The following FOXP2 variants were observed in gnomAD, a reference collection of about 807,000 sequenced individuals.
FOXP2 encodes forkhead box P2, also known as forkhead box protein P2.
FOXP2 carries 12 observed loss-of-function variants against 115.8 expected under a neutral mutation model. The ratio of observed to expected loss-of-function variants is 0.10; its 90% CI spans 0.07 to 0.17. FOXP2 has a LOEUF of 0.17. Among genes scored for constraint, FOXP2 ranks in the 10% least tolerant of loss-of-function variants. The probability of loss-of-function intolerance (pLI) is 1.00; values close to 1 mark genes in which losing one functional copy is unlikely to be tolerated. For missense variants in FOXP2, 629 were observed against 843.5 expected, an observed-to-expected ratio of 0.75 and a Z score of 3.15; for synonymous variants, 328 against 297.7, an observed-to-expected ratio of 1.10 and a Z score of -1.05.
intron 1 of FOXP2, among the ~76,000 whole-genome samples, chr7:114,186,571 G>A (rs989322008): frequency 1.3e-4 from 20 of 152,096 alleles, no homozygotes; most frequent in South Asian, 6.2e-4. Context: ...GAATCAGCCC[G>A]CATAACAGCC....
chr7:114,121,386 G>A (rs1217814679), intron 1 of FOXP2, among the ~76,000 whole-genome samples: 1 of 152,042 alleles, frequency 6.6e-6, no homozygotes, highest in South Asian at 2.1e-4. Context: ...CCAGTCTATG[G>A]TACTTTGTTA....
At chr7:114,097,702 A>G (rs1365557571) in intron 1 of FOXP2, among the ~76,000 whole-genome samples, 1 of 152,126 alleles carries the variant, frequency 6.6e-6, no homozygotes, top group Non-Finnish European at 1.5e-5. Flanking sequence ...TTTTGCTCTC[A>G]TACTGCCTTT....
intron 3 of FOXP2, among the ~76,000 whole-genome samples, chr7:114,558,903 T>C (rs191758170): frequency 3.2e-4 from 48 of 152,346 alleles, no homozygotes; most frequent in Admixed American, 1.3e-3. Context: ...GTTGGTGTTC[T>C]GTAGTGTCCC....
intron 3 of FOXP2, among the ~76,000 whole-genome samples, chr7:114,575,134 A>G (rs988001314): frequency 4.0e-5 from 6 of 151,856 alleles, no homozygotes; most frequent in African/African-American, 1.5e-4. Flanking sequence ...TGGGCTCTAC[A>G]ATCAGCTTTC....
At chr7:114,599,612 T>A (rs1490660727) in intron 3 of FOXP2, among the ~76,000 whole-genome samples, 6 of 152,114 alleles carry the variant, frequency 3.9e-5, no homozygotes, top group African/African-American at 7.2e-5. Flanking sequence ...AACTTTTTTT[T>A]ATAATGTTCT....
chr7:114,419,469 A>C (rs1793499565), intron 1 of FOXP2, among the ~76,000 whole-genome samples: 1 of 151,888 alleles, frequency 6.6e-6, no homozygotes, highest in Admixed American at 6.6e-5. Flanking sequence ...CACTTGTTTT[A>C]TACACACTTG....
intron 2 of FOXP2, among the ~76,000 whole-genome samples, chr7:114,509,745 G>A (rs962912152): frequency 6.6e-6 from 1 of 151,874 alleles, no homozygotes; most frequent in East Asian, 1.9e-4. Context: ...GAAACAAATG[G>A]CATGATCAAG....
intron 2 of FOXP2, among the ~76,000 whole-genome samples, chr7:114,391,554 T>C (rs1792601332): frequency 6.6e-6 from 1 of 152,186 alleles, no homozygotes; most frequent in Admixed American, 6.5e-5. Context: ...TTGCTCACTA[T>C]GGTGTCTGCA....
chr7:114,213,221 C>T (rs568154148), intron 1 of FOXP2, among the ~76,000 whole-genome samples: 1 of 152,240 alleles, frequency 6.6e-6, no homozygotes, highest in South Asian at 2.1e-4. Context: ...TTGCCTCATA[C>T]TAGGAGTGTT....
intron 1 of FOXP2, among the ~76,000 whole-genome samples, chr7:114,224,207 T>A (rs1478375694): frequency 6.6e-6 from 1 of 152,146 alleles, no homozygotes; most frequent in Non-Finnish European, 1.5e-5. Flanking sequence ...ACTGAAGATT[T>A]CATAAGACTT....
At chr7:114,141,104 C>T (rs1470950443) in intron 1 of FOXP2, among the ~76,000 whole-genome samples, 3 of 152,108 alleles carry the variant, frequency 2.0e-5, no homozygotes, top group African/African-American at 7.2e-5. Flanking sequence ...TTCTTCCTCA[C>T]TTAAGTTCTG....
At chr7:114,498,696 G>T (rs2040658) in intron 2 of FOXP2, among the ~76,000 whole-genome samples, 1 of 151,934 alleles carries the variant, frequency 6.6e-6, no homozygotes, top group East Asian at 1.9e-4. Flanking sequence ...CCAAAAGAAA[G>T]ATTTTAGTTA....
rs145592793 is a variant in FOXP2 at position 114,352,105 on chromosome 7, CA to C, written c.-11+64009del. Among the ~76,000 whole-genome samples, 741 of 137,072 alleles carry C rather than the reference CA, an allele frequency of 5.4e-3. 7 individuals are homozygous for C. Among genetic ancestry groups the C allele is most frequent in the African/African-American group, 0.012 (467 of 37,448 alleles). The allele number at this position is 137,072 out of a possible 152,430, so 89.9% of individuals were successfully genotyped here. ...CAACATGGCAAAATGCCATCTCTAA[CA>C]AAAAAAAAAAAATAGCTGAGTGTGG... On this transcript the variant is annotated intron_variant, in intron 2 of 17. Coordinates refer to the FOXP2 transcript ENST00000634411.
chr7:114,100,357 C>A (rs1177376853), intron 1 of FOXP2, among the ~76,000 whole-genome samples: 1 of 152,094 alleles, frequency 6.6e-6, no homozygotes, highest in Non-Finnish European at 1.5e-5. Flanking sequence ...GTGTCCAGAA[C>A]TAAATACCGT....
intron 1 of FOXP2, among the ~76,000 whole-genome samples, chr7:114,101,596 C>A (rs959266452): frequency 6.6e-5 from 10 of 151,992 alleles, no homozygotes; most frequent in African/African-American, 2.2e-4. Context: ...TGTTTAATAA[C>A]CTGCTCTAGA....
upstream of FOXP2, among the ~76,000 whole-genome samples, chr7:114,413,217 AT>A (rs1218164942): frequency 6.6e-6 from 1 of 152,166 alleles, no homozygotes; most frequent in African/African-American, 2.4e-5. Context: ...TGTATACATT[AT>A]TCACAGTTTC....
chr7:114,298,934 G>A (rs1203884336), intron 2 of FOXP2, among the ~76,000 whole-genome samples: 1 of 152,058 alleles, frequency 6.6e-6, no homozygotes, highest in Non-Finnish European at 1.5e-5. Flanking sequence ...GAAAATATTA[G>A]TAAGAACTCA....
In FOXP2 at chr7:114,093,274, G is replaced by C. The variant is rs1049163710; in HGVS notation, c.-247+5436G>C. On this transcript the variant is annotated intron_variant, in intron 1 of 19. Transcript: ENST00000635638. ...TCCTGTATCTTCACTAACTTCAGGAGGTCTCTGCTCAAACATATCCTTGTT... is the reference window on the plus strand; with the variant it reads ...TCCTGTATCTTCACTAACTTCAGGACGTCTCTGCTCAAACATATCCTTGTT... Among the ~76,000 whole-genome samples, 15 of 152,206 alleles carry C rather than the reference G, an allele frequency of 9.9e-5. No individual in the cohort carries two copies. The South Asian group carries it at 3.1e-3, about 32-fold the overall frequency.
chr7:114,592,424 T>G (rs572483208), intron 3 of FOXP2, among the ~76,000 whole-genome samples: 1 of 152,142 alleles, frequency 6.6e-6, no homozygotes, highest in South Asian at 2.1e-4. Flanking sequence ...TTTTTTTTAT[T>G]TAGGTAGACT....
Sources: gnomAD v4.1 joint callset for allele counts (sites outside exome capture counted in the v4.1 genomes callset) on GRCh38, gnomAD v4.1.1 for gene constraint, MANE v1.5 for transcripts, NCBI Gene and HGNC (gene_info 2026-07-23, HGNC 2026-07-21) for gene names.